NRG1: variants seen among roughly 807,000 people sequenced by gnomAD.
The protein encoded by NRG1 is neuregulin 1.
In NRG1, 18 loss-of-function variants were observed where a neutral mutation model predicts 63.8. The ratio of observed to expected loss-of-function variants is 0.28; its 90% CI spans 0.19 to 0.42. NRG1 has a LOEUF of 0.42. Among genes scored for constraint, NRG1 ranks in the 10% least tolerant of loss-of-function variants. NRG1 has a pLI of 1.00. For synonymous variants in NRG1, 302 were observed against 301.3 expected (o/e 1.00, Z -0.02); for missense variants, 762 against 814.7 (o/e 0.94, Z 0.79).
rs35510271 is a variant in NRG1 at position 32,331,365 on chromosome 8, CA to C, written c.38-264446del. Among the ~76,000 whole-genome samples the C allele has an allele frequency of 3.0e-3, 350 of 115,476 alleles. 4 individuals are homozygous for C. Among genetic ancestry groups the C allele is most frequent in the African/African-American group, 9.7e-3 (291 of 29,972 alleles). 75.8% of individuals were successfully genotyped at this position (115,476 alleles called of 152,430 possible). ...GAAACTCCCAACTCTACAAAAAATA[CA>C]AAAAAAAAAAAAAAAATAGCTGGGT... On this transcript the variant is annotated intron_variant, in intron 1 of 10. Transcript: ENST00000519301.
At chr8:32,170,071 G>C (rs1360540797) in intron 1 of NRG1, among the ~76,000 whole-genome samples, 1 of 152,214 alleles carries the variant, frequency 6.6e-6, no homozygotes, top group Admixed American at 6.5e-5. Context: ...GAGGTTACCA[G>C]AAGCTGGAAG....
At chr8:32,621,832 A>G (rs1937452267) in intron 5 of NRG1, among the ~76,000 whole-genome samples, 1 of 152,206 alleles carries the variant, frequency 6.6e-6, no homozygotes, top group Non-Finnish European at 1.5e-5. Context: ...ACACAGCAGC[A>G]TTTAACCCCA....
chr8:32,297,589 AG>A (rs958939993), intron 1 of NRG1, among the ~76,000 whole-genome samples: 5 of 152,200 alleles, frequency 3.3e-5, no homozygotes, highest in Admixed American at 2.6e-4. Flanking sequence ...CCCATCTCTC[AG>A]GAAGAAGTCC....
intron 1 of NRG1, among the ~76,000 whole-genome samples, chr8:32,463,849 A>C (rs1174978607): frequency 7.1e-6 from 1 of 140,132 alleles, no homozygotes; most frequent in African/African-American, 2.7e-5. Flanking sequence ...ATCTTCACAC[A>C]CACACACGAA....
chr8:32,009,172 C>T (rs1814315178), intron 1 of NRG1, among the ~76,000 whole-genome samples: 2 of 151,930 alleles, frequency 1.3e-5, no homozygotes, highest in African/African-American at 2.4e-5. Context: ...ATAATATGAC[C>T]GTATATGATC....
chr8:32,520,379 G>C (rs1401592851), intron 1 of NRG1, among the ~76,000 whole-genome samples: 1 of 150,410 alleles, frequency 6.6e-6, no homozygotes, highest in Non-Finnish European at 1.5e-5. Context: ...GGCTGGTCTC[G>C]AACTCCTGGG....
At chr8:31,856,264 T>G (rs1422088733) in intron 1 of NRG1, among the ~76,000 whole-genome samples, 1 of 152,220 alleles carries the variant, frequency 6.6e-6, no homozygotes, top group Non-Finnish European at 1.5e-5. Flanking sequence ...CAGACATAGA[T>G]TTGGTCTTTT....
intron 1 of NRG1, among the ~76,000 whole-genome samples, chr8:32,454,790 G>A (rs576791985): frequency 6.6e-6 from 1 of 152,116 alleles, no homozygotes; most frequent in East Asian, 1.9e-4. Context: ...GCACATTAAT[G>A]GCCTAGGCCT....
chr8:32,591,214 G>A (rs1317547363), intron 1 of NRG1, among the ~76,000 whole-genome samples: 1 of 152,148 alleles, frequency 6.6e-6, no homozygotes, highest in Non-Finnish European at 1.5e-5. Context: ...CCAGAAGGAC[G>A]CAGCAGGGAC....
At chr8:31,715,540 A>G (rs1563322022) in intron 1 of NRG1, among the ~76,000 whole-genome samples, 1 of 152,226 alleles carries the variant, frequency 6.6e-6, no homozygotes, top group Non-Finnish European at 1.5e-5. Context: ...TTAAATGTAT[A>G]ATAGTCTTCT....
chr8:32,079,367 T>C (rs1827103347), intron 1 of NRG1, among the ~76,000 whole-genome samples: 1 of 152,182 alleles, frequency 6.6e-6, no homozygotes, highest in Admixed American at 6.6e-5. Flanking sequence ...AAAAGCAATG[T>C]CCAGGTACTG....
intron 1 of NRG1, among the ~76,000 whole-genome samples, chr8:32,129,116 A>T (rs772772305): frequency 2.2e-4 from 33 of 152,062 alleles, no homozygotes; most frequent in Middle Eastern, 3.4e-3. Context: ...CACAGTCATA[A>T]TCTGTATAAC....
intron 1 of NRG1, among the ~76,000 whole-genome samples, chr8:32,186,460 C>CAAAAAAAA (rs748750103): frequency 1.9e-5 from 1 of 52,206 alleles, no homozygotes; most frequent in Non-Finnish European, 4.3e-5. Context: ...GACTCCGTCT[C>CAAAAAAAA]AAAAAAAAAA....
chr8:32,751,745 C>A (rs1166136505), intron 7 of NRG1, among the ~76,000 whole-genome samples: 4 of 152,112 alleles, frequency 2.6e-5, no homozygotes, highest in Non-Finnish European at 5.9e-5. Context: ...ACTGAGCTAC[C>A]TCTTTATTTC....
chr8:32,068,515 AG>A (rs1825244040), intron 1 of NRG1, among the ~76,000 whole-genome samples: 1 of 152,196 alleles, frequency 6.6e-6, no homozygotes, highest in African/African-American at 2.4e-5. Context: ...AGTCTTAATT[AG>A]GAGAAAAAGC....
chr8:31,891,386 A>G (rs1205228498), intron 1 of NRG1, among the ~76,000 whole-genome samples: 2 of 152,320 alleles, frequency 1.3e-5, no homozygotes, highest in African/African-American at 4.8e-5. Flanking sequence ...ACATGAAAAG[A>G]TGTTCAAGGT....
At chr8:32,162,644 C>T (rs546799345) in intron 1 of NRG1, among the ~76,000 whole-genome samples, 25 of 152,276 alleles carry the variant, frequency 1.6e-4, no homozygotes, top group African/African-American at 5.8e-4. Flanking sequence ...CTCCTATCTT[C>T]AGCAAAACTT....
In NRG1 at chr8:32,617,731, C is replaced by T. The variant is rs147689794; in HGVS notation, c.502+846C>T. ...ATAGATGTTCCTAGTTATTCTATTT[C>T]GATCTGGGGAGTGTGTTGAAGGAAC... On this transcript the variant is annotated intron_variant, in intron 5 of 11. Transcript: ENST00000356819. Among the ~76,000 whole-genome samples the T allele has an allele frequency of 3.3e-3, 497 of 152,208 alleles. 3 individuals carry two copies. Among genetic ancestry groups the T allele is most frequent in the Admixed American group, 6.0e-3 (92 of 15,282 alleles).
intron 1 of NRG1, among the ~76,000 whole-genome samples, chr8:32,529,551 T>C (rs2129517042): frequency 6.6e-6 from 1 of 152,346 alleles, no homozygotes; most frequent in Admixed American, 6.5e-5. Flanking sequence ...ATTGTACAGC[T>C]GTGCAAAAAT....
Sources: allele counts gnomAD v4.1 joint callset (sites outside exome capture counted in the v4.1 genomes callset), GRCh38; gene constraint gnomAD v4.1.1; transcripts MANE v1.5; gene names NCBI Gene and HGNC (gene_info 2026-07-23, HGNC 2026-07-21).